Variants in FFAR1 observed in about 807,000 individuals in gnomAD.
The protein encoded by FFAR1 is free fatty acid receptor 1.
For synonymous variants in FFAR1, 216 were observed against 201.5 expected, an observed-to-expected ratio of 1.07 and a Z score of -0.61; for missense variants, 424 against 396.2, an observed-to-expected ratio of 1.07 and a Z score of -0.60.
chr19:35,352,475 A>T, exon 1 of FFAR1: 1 of 1,546,206 alleles, frequency 6.5e-7, no homozygotes, highest in Non-Finnish European at 8.7e-7. Flanking sequence ...CGGGGGAAGG[A>T]GCATGGGGCA....
upstream of FFAR1, chr19:35,351,452 C>G: frequency 9.4e-7 from 1 of 1,063,778 alleles, no homozygotes; most frequent in Non-Finnish European, 1.4e-6. Context: ...GGCTGGAACC[C>G]GCGAGTGATC....
exon 1 of FFAR1, chr19:35,351,659 C>T (rs1448276010): frequency 6.4e-7 from 1 of 1,552,648 alleles, no homozygotes; most frequent in South Asian, 1.2e-5. Flanking sequence ...ACGCCCGGCT[C>T]CGTCTCACCC....
At chr19:35,351,958 G>A in exon 1 of FFAR1, 1 of 1,614,148 alleles carries the variant, frequency 6.2e-7, no homozygotes, top group Non-Finnish European at 8.5e-7. Flanking sequence ...CTCGTCCTGT[G>A]TCACCTGGGT....
At position 35,352,411 on chromosome 19, in the gene FFAR1, C is replaced by T; in HGVS notation, c.860C>T (p.Thr287Ile). 1.9e-6 allele frequency: 3 copies of T among 1,555,054 alleles called. No homozygotes were observed. In the African/African-American group the frequency reaches 4.1e-5, roughly 21 times the overall value. The stretch of plus-strand genomic sequence containing the variant: ...TTGGGAAGGGGTCCTGGCCTGAAGA[C>T]AGTGTGTGCGGCAAGAACGCAAGGG... Residue 287 changes from threonine to isoleucine, a missense_variant, in exon 1 of 1, where the codon ACA becomes ATA. By Grantham distance (89) the Thr-to-Ile change is moderately conservative. Coordinates refer to ENST00000246553, the Ensembl canonical transcript of FFAR1.
At chr19:35,352,506 C>G (rs767645426) in exon 1 of FFAR1, 1 of 1,521,540 alleles carries the variant, frequency 6.6e-7, no homozygotes, top group South Asian at 1.2e-5. Context: ...GCTGCTTCTC[C>G]AGGCCCCTGC....
At chr19:35,351,884 C>G (rs1215384750) in exon 1 of FFAR1, 11 of 1,613,968 alleles carry the variant, frequency 6.8e-6, no homozygotes, top group Non-Finnish European at 9.3e-6. Context: ...CAGCCTTCCC[C>G]TTGGGCTACC....
exon 1 of FFAR1, chr19:35,352,310 A>G (rs1305631545): frequency 6.4e-7 from 1 of 1,552,378 alleles, no homozygotes; most frequent in African/African-American, 1.4e-5. Context: ...ACCCCAATCT[A>G]GGAGGCTCCT....
upstream of FFAR1, chr19:35,351,532 C>T: frequency 1.3e-6 from 2 of 1,538,268 alleles, no homozygotes; most frequent in East Asian, 2.4e-5. Flanking sequence ...AGGAGCCGTG[C>T]AGGCCAGGAC....
rs772248176 is a variant in FFAR1, at chr19:35,352,078, C to T, written c.527C>T (p.Pro176Leu). 5 of 1,612,940 alleles carry T rather than the reference C, an allele frequency of 3.1e-6. No homozygotes were observed. The South Asian group carries it at 3.3e-5, about 11-fold the overall frequency. Residue 176 changes from proline to leucine, a missense_variant, in exon 1 of 1, where the codon CCG (proline) becomes CTG (leucine). Coordinates refer to ENST00000246553, the Ensembl canonical transcript of FFAR1. ...CCGGTCTGCCTGGAGGCCTGGGACC[C>T]GGCCTCTGCCGGCCCGGCCCGCTTC...
exon 1 of FFAR1, chr19:35,351,612 C>G (rs1173503255): frequency 6.5e-7 from 1 of 1,542,110 alleles, no homozygotes; most frequent in Non-Finnish European, 8.7e-7. Flanking sequence ...GCTGGGCTTC[C>G]CGCTCAACGT....
In FFAR1 at chr19:35,351,661, G is replaced by A. The variant is rs200173092; in HGVS notation, c.110G>A (p.Arg37His). The A allele has an allele frequency of 1.1e-5, 17 of 1,553,462 alleles. No homozygotes were observed. Among genetic ancestry groups the A allele is most frequent in the Middle Eastern group, 1.7e-4 (1 of 6,006 alleles). ...GGCGCGACGGCCCACGCCCGGCTCC[G>A]TCTCACCCCTAGCCTGGTCTACGCC... is the stretch of plus-strand genomic sequence containing the variant. Residue 37 changes from arginine to histidine, a missense_variant, in exon 1 of 1, where the codon CGT becomes CAT. Transcript: ENST00000246553.
chr19:35,353,021 G>A (rs780863985), exon 1 of FFAR1: 5 of 163,524 alleles, frequency 3.1e-5, no homozygotes, highest in African/African-American at 7.2e-5. Context: ...GCAAGGTCCC[G>A]CAGTGATGGG....
At chr19:35,349,714 G>A (rs145266132), upstream of FFAR1, among the ~76,000 whole-genome samples, 258 of 152,292 alleles carry the variant, frequency 1.7e-3, 2 homozygotes, top group Non-Finnish European at 2.1e-3. Flanking sequence ...CCTGGAATTC[G>A]GAAGGGGCAG....
chr19:35,350,827 C>T (rs546465427), upstream of FFAR1, among the ~76,000 whole-genome samples: 4 of 152,334 alleles, frequency 2.6e-5, no homozygotes, highest in East Asian at 7.7e-4. Flanking sequence ...AGACATCTGG[C>T]AGCACCAGGA....
chr19:35,351,822 T>C (rs769938346), exon 1 of FFAR1: 6 of 1,609,916 alleles, frequency 3.7e-6, no homozygotes, highest in Non-Finnish European at 5.1e-6. Flanking sequence ...CTTCCCACTC[T>C]ATGCCGGCGG....
chr19:35,350,470 G>A (rs539880707), upstream of FFAR1, among the ~76,000 whole-genome samples: 46 of 152,328 alleles, frequency 3.0e-4, no homozygotes, highest in South Asian at 9.3e-3. Context: ...GGGTGGAGAA[G>A]ACCTGGCCCC....
At chr19:35,348,179 A>G (rs1356837353), upstream of FFAR1, among the ~76,000 whole-genome samples, 1 of 152,198 alleles carries the variant, frequency 6.6e-6, no homozygotes, top group Non-Finnish European at 1.5e-5. Flanking sequence ...ATCTCTGCTC[A>G]GTACCCGGAC....
exon 1 of FFAR1, chr19:35,351,827 C>G: frequency 3.1e-6 from 5 of 1,609,418 alleles, no homozygotes; most frequent in Non-Finnish European, 4.2e-6. Flanking sequence ...CACTCTATGC[C>G]GGCGGGGGCT....
upstream of FFAR1, among the ~76,000 whole-genome samples, chr19:35,348,066 G>A (rs2066928422): frequency 6.6e-6 from 1 of 152,226 alleles, no homozygotes; most frequent in Non-Finnish European, 1.5e-5. Context: ...ATTCTCCTTA[G>A]AGGGCAGGGG....
Sources: allele counts gnomAD v4.1 joint callset (sites outside exome capture counted in the v4.1 genomes callset), GRCh38; gene constraint gnomAD v4.1.1; transcripts MANE v1.5; gene names NCBI Gene and HGNC (gene_info 2026-07-23, HGNC 2026-07-21).